The following FAM98A variants were observed in gnomAD, a reference collection of about 807,000 sequenced individuals.
FAM98A encodes protein FAM98A.
Under a neutral mutation model 62.9 loss-of-function variants are expected in FAM98A, and 25 were observed. The ratio of observed to expected loss-of-function variants is 0.40; its 90% CI spans 0.29 to 0.56. The LOEUF (loss-of-function observed/expected upper bound fraction) is 0.56. FAM98A is among the 20% of genes least tolerant of loss of function. The probability of loss-of-function intolerance (pLI) is 0.51; values close to 1 mark genes in which losing one functional copy is unlikely to be tolerated. For missense variants in FAM98A, 653 were observed against 640.7 expected (o/e 1.02, Z -0.21); for synonymous variants, 252 against 228.6 (o/e 1.10, Z -0.92).
chr2:33,597,882 G>C (rs533782120), intron 1 of FAM98A, among the ~76,000 whole-genome samples: 37 of 152,250 alleles, frequency 2.4e-4, no homozygotes, highest in African/African-American at 7.7e-4. Flanking sequence ...CTGCCACAAA[G>C]AAACTGTTCC....
chr2:33,587,228 A>T lies in FAM98A; in HGVS notation c.603+12T>A, dbSNP rs766296164. The T allele has an allele frequency of 1.2e-5, 18 of 1,526,372 alleles. No individual in the cohort carries two copies. The highest frequency in any genetic ancestry group is 1.4e-5 in the Non-Finnish European group (15 of 1,101,186). The allele number at this position is 1,526,372 out of a possible 1,614,324, so 94.6% of individuals were successfully genotyped here. On this transcript the variant is annotated intron_variant, in intron 5 of 7. Coordinates refer to ENST00000238823, the MANE Select transcript of FAM98A (RefSeq NM_015475.5). ...TTCTTTACAAAGTTTACTCAAGATGATTACTACTCACCCAGTGGGCTGGTC... is the reference window on the plus strand; with the variant it reads ...TTCTTTACAAAGTTTACTCAAGATGTTTACTACTCACCCAGTGGGCTGGTC...
intron 2 of FAM98A, among the ~76,000 whole-genome samples, 157 bp from the exon 3 acceptor site, chr2:33,592,371 C>CT (rs934579988): frequency 4.0e-5 from 6 of 151,322 alleles, no homozygotes; most frequent in South Asian, 2.1e-4. Context: ...AAAGTTTCTT[C>CT]TTTTTTTTTC....
rs766252622 is a variant in FAM98A, at chr2:33,595,477, AT to A, written c.202+11del. Reference sequence around the variant, plus strand: ...TTTTATACTTTGTACCTAAAAGTGAATGTTTACTTACTGTTAGTTGCTTGCA... The same window carrying A: ...TTTTATACTTTGTACCTAAAAGTGAAGTTTACTTACTGTTAGTTGCTTGCA... On this transcript the variant is annotated intron_variant, in intron 2 of 7. Coordinates refer to ENST00000238823, the MANE Select transcript of FAM98A (RefSeq NM_015475.5). 6.3e-7 allele frequency: 1 copy of A among 1,596,666 alleles called. No homozygotes were observed. The highest frequency in any genetic ancestry group is 8.5e-7 in the Non-Finnish European group (1 of 1,172,148).
intron 3 of FAM98A, among the ~76,000 whole-genome samples, chr2:33,590,309 T>C (rs1479385536): frequency 6.6e-6 from 1 of 152,154 alleles, no homozygotes; most frequent in African/African-American, 2.4e-5. Context: ...CAAAGGCTAT[T>C]CTATTTTTCC....
intron 2 of FAM98A, 103 bp from the exon 3 acceptor site, chr2:33,592,317 T>C (rs1176363519): frequency 3.0e-6 from 3 of 987,266 alleles, no homozygotes. Context: ...TTTTCATAAC[T>C]TGAGTTTTTT....
chr2:33,591,876 G>T (rs1677678682), intron 3 of FAM98A: 1 of 442,134 alleles, frequency 2.3e-6, no homozygotes, highest in Non-Finnish European at 4.0e-6. Flanking sequence ...TATTGAAAGA[G>T]TATCAGTTAC....
At position 33,587,263 on chromosome 2, in the gene FAM98A, T is replaced by G. The variant is rs1677576597; in HGVS notation, c.580A>C (p.Lys194Gln). 6.2e-7 allele frequency: 1 copy of G among 1,612,810 alleles called. No individual in the cohort carries two copies. Residue 194 changes from lysine to glutamine, a missense_variant, in exon 5 of 8, where the codon AAG (lysine) becomes CAG (glutamine). Coordinates refer to ENST00000238823, the MANE Select transcript of FAM98A (RefSeq NM_015475.5). ...ACCCAGTGGGCTGGTCCCATTGGCTTCTTCAGTAAAGGCTTTCCCACATGA... is the reference window on the plus strand; with the variant it reads ...ACCCAGTGGGCTGGTCCCATTGGCTGCTTCAGTAAAGGCTTTCCCACATGA... ...PNHVGKPLLK[K>Q]PMGPAHWEKI...
At chr2:33,587,053 TCTA>T (rs1677572421) in intron 5 of FAM98A, among the ~76,000 whole-genome samples, 184 bp downstream of exon 5, 1 of 152,228 alleles carries the variant, frequency 6.6e-6, no homozygotes, top group African/African-American at 2.4e-5. Flanking sequence ...GAAAAGTGCT[TCTA>T]ATCTTACACA....
Position 33,585,117 on chromosome 2 carries a change from G to C in FAM98A, c.1216C>G (p.Pro406Ala), listed in dbSNP as rs1250509041. The C allele has an allele frequency of 1.9e-6, 3 of 1,614,092 alleles. No individual in the cohort carries two copies. In the East Asian group the frequency reaches 6.7e-5, roughly 36 times the overall value. Residue 406 changes from proline to alanine, a missense_variant, in exon 8 of 8, where the codon CCA becomes GCA. Pro to Ala is a conservative substitution (Grantham distance 27, BLOSUM62 -1). Coordinates refer to ENST00000238823, the MANE Select transcript of FAM98A (RefSeq NM_015475.5). ...CTGTGGCCACCATGATAGCCACCTG[G>C]CTGGAAACCTGAATCTCGATAACCA... is the stretch of plus-strand genomic sequence containing the variant. ...DGGYRDSGFQ[P>A]GGYHGGHSSG...
At position 33,599,100 on chromosome 2, in the gene FAM98A, G is replaced by C. The variant is rs927097412; in HGVS notation, c.53+69C>G. 34 of 1,313,052 alleles carry C rather than the reference G, an allele frequency of 2.6e-5. No individual in the cohort carries two copies. The Admixed American group carries it at 5.2e-4, about 20-fold the overall frequency. The allele number at this position is 1,313,052 out of a possible 1,614,324, so 81.3% of individuals were successfully genotyped here. ...GTGGAGAGGCAGGTGTCTCAGACTG[G>C]GGCGCAGGAGGTGTTCCCAGGGGGC... On this transcript the variant is annotated intron_variant, in intron 1 of 7. Transcript: ENST00000238823.
At position 33,585,532 on chromosome 2, in the gene FAM98A, T is replaced by G. The variant is rs1442287674; in HGVS notation, c.886A>C (p.Lys296Gln). 6.2e-7 allele frequency: 1 copy of G among 1,614,214 alleles called. No individual in the cohort carries two copies. The highest frequency in any genetic ancestry group is 1.7e-5 in the Admixed American group (1 of 60,028). ...AAAATTAAAGGTACTCTAATCACCT[T>G]ATTGATGGCACAGGCAGTCTTTTCT... ...IREKTACAIN[K>Q]VLMGRVPDRG... Residue 296 changes from lysine to glutamine, a missense_variant and splice_region_variant, in exon 7 of 8, where the codon AAG (lysine) becomes CAG (glutamine). By Grantham distance (53) the Lys-to-Gln change is moderately conservative. Transcript: ENST00000238823.
In FAM98A at chr2:33,588,483, A is replaced by C. The variant is rs765875109; in HGVS notation, c.374T>G (p.Leu125Arg). 1 of 1,613,700 alleles carries C rather than the reference A, an allele frequency of 6.2e-7. No individual in the cohort carries two copies. Among genetic ancestry groups the C allele is most frequent in the South Asian group, 1.1e-5 (1 of 91,048 alleles). ...LISELEAARM[L>R]CVNAPPKKAQ... The stretch of plus-strand genomic sequence containing the variant: ...TTTTTTTGGAGGAGCATTCACACAG[A>C]GCATTCTGGCAGCTTCTAGTTCTGA... The change falls in exon 4 of 8, where the codon CTC (leucine) becomes CGC (arginine). Residue 125 changes from leucine (L) to arginine (R), a missense_variant. Physicochemically the swap from Leu to Arg is moderately radical, Grantham distance 102. Coordinates refer to ENST00000238823, the MANE Select transcript of FAM98A (RefSeq NM_015475.5).
Position 33,587,286 on chromosome 2 carries a change from T to C in FAM98A, c.557A>G (p.His186Arg), listed in dbSNP as rs769934010. ...CTTCTTCAGTAAAGGCTTTCCCACATGATTAGGTGGAACTTTTGCTAATGT... is the reference window on the plus strand; with the variant it reads ...CTTCTTCAGTAAAGGCTTTCCCACACGATTAGGTGGAACTTTTGCTAATGT... Reference protein sequence around the residue: ...KETLAKVPPNHVGKPLLKKPM... With the variant: ...KETLAKVPPNRVGKPLLKKPM... The change falls in exon 5 of 8, where the codon CAT (histidine) becomes CGT (arginine). Residue 186 changes from histidine (H) to arginine (R), a missense_variant. Physicochemically the swap from His to Arg is conservative, Grantham distance 29. Coordinates refer to ENST00000238823, the MANE Select transcript of FAM98A (RefSeq NM_015475.5). 1.2e-6 allele frequency: 2 copies of C among 1,613,570 alleles called. No homozygotes were observed. Among genetic ancestry groups the C allele is most frequent in the Non-Finnish European group, 1.7e-6 (2 of 1,179,522 alleles).
In FAM98A at chr2:33,585,671, A is replaced by C. The variant is rs753020269; in HGVS notation, c.747T>G (p.Val249=). ...ATAAGACTGAACGTTTCGGCTGGTAAACCTTGGCTAATTTTTCTGTCTGGC... is the reference window on the plus strand; with the variant it reads ...ATAAGACTGAACGTTTCGGCTGGTACACCTTGGCTAATTTTTCTGTCTGGC... The part of the protein sequence containing the change: ...AKSQTEKLAK[V]YQPKRSVLSP... The change falls in exon 7 of 8, where the codon GTT becomes GTG. Residue 249 remains valine (V), a synonymous_variant. Transcript: ENST00000238823. The C allele has an allele frequency of 4.3e-6, 7 of 1,613,616 alleles. No individual in the cohort carries two copies. The highest frequency in any genetic ancestry group is 3.3e-5 in the Admixed American group (2 of 59,932).
At chr2:33,597,274 G>A (rs1388124269) in intron 1 of FAM98A, among the ~76,000 whole-genome samples, 2 of 152,124 alleles carry the variant, frequency 1.3e-5, no homozygotes, top group Admixed American at 6.6e-5. Flanking sequence ...TGGGAGGATC[G>A]CTTGAGGCTA....
At chr2:33,592,535 T>C (rs1411946103) in intron 2 of FAM98A, among the ~76,000 whole-genome samples, 1 of 152,132 alleles carries the variant, frequency 6.6e-6, no homozygotes, top group Non-Finnish European at 1.5e-5. Context: ...CTGGCTAATA[T>C]TTAGAAAATT....
Position 33,599,052 on chromosome 2 carries a change from A to C in FAM98A, c.53+117T>G, listed in dbSNP as rs549393368. 930 of 848,550 alleles carry C rather than the reference A, an allele frequency of 1.1e-3. 6 individuals are homozygous for C. In the African/African-American group the frequency reaches 0.014, roughly 13 times the overall value. The allele number at this position is 848,550 out of a possible 1,614,324, so 52.6% of individuals were successfully genotyped here. On this transcript the variant is annotated intron_variant, in intron 1 of 7. Transcript: ENST00000238823. ...GGTGCCGGGGCCAAAGGGAAGCGAC[A>C]GCCAGGAGCCACGGGGTGCGGCGTG...
chr2:33,594,385 G>A (rs13397381), intron 2 of FAM98A, among the ~76,000 whole-genome samples: 40,960 of 151,126 alleles, frequency 0.27, 7,402 homozygotes, highest in African/African-American at 0.52. Context: ...CACAGGGAGG[G>A]GAACAACACA....
In FAM98A at chr2:33,586,769, CT is replaced by C. The variant is rs1558547606; in HGVS notation, c.604-92del. The C allele has an allele frequency of 1.2e-5, 9 of 770,532 alleles. No homozygotes were observed. In the Middle Eastern group the frequency reaches 7.0e-4, roughly 60 times the overall value. 47.7% of individuals were successfully genotyped at this position (770,532 alleles called of 1,614,324 possible). On this transcript the variant is annotated intron_variant, in intron 5 of 7. Coordinates refer to ENST00000238823, the MANE Select transcript of FAM98A (RefSeq NM_015475.5). Reference sequence around the variant, plus strand: ...AAAACTACGTCTGTGTCATTCATAACTGAGATCCCGGCCATTTAACAGTCAA... The same window carrying C: ...AAAACTACGTCTGTGTCATTCATAACGAGATCCCGGCCATTTAACAGTCAA...
Sources: allele counts gnomAD v4.1 joint callset (sites outside exome capture counted in the v4.1 genomes callset), GRCh38; gene constraint gnomAD v4.1.1; transcripts MANE v1.5; gene names NCBI Gene and HGNC (gene_info 2026-07-23, HGNC 2026-07-21).